ANKRD7: variants seen among roughly 807,000 people sequenced by gnomAD.
ANKRD7 encodes the protein ankyrin repeat domain-containing protein 7.
ANKRD7 carries 30 observed loss-of-function variants against 30.8 expected under a neutral mutation model. That is an observed-to-expected ratio of 0.97 (90% confidence interval 0.73 to 1.32). The LOEUF is 1.32. Among genes scored for constraint, ANKRD7 ranks in the 40% most tolerant of loss-of-function variants. The pLI is 0.00. For synonymous variants in ANKRD7, 97 were observed against 106.6 expected (o/e 0.91, Z 0.55); for missense variants, 264 against 295.7 (o/e 0.89, Z 0.79).
chr7:118,229,554 T>C (rs1443204493), intron 1 of ANKRD7, among the ~76,000 whole-genome samples: 1 of 152,048 alleles, frequency 6.6e-6, no homozygotes, highest in East Asian at 1.9e-4. Flanking sequence ...CACATATAAA[T>C]GGGAGAACTT....
In ANKRD7 at chr7:118,224,799, G is replaced by A; in HGVS notation, c.-32G>A. On this transcript the variant is annotated 5_prime_UTR_variant, in exon 1 of 7. Coordinates refer to ENST00000265224, the MANE Select transcript of ANKRD7 (RefSeq NM_019644.4). ...CGGCTAGGAGTTCAAGAAACATCCT[G>A]GTCTGAGGGAAAGGCTGCAGCCTGC... 1 of 1,597,306 alleles carries A rather than the reference G, an allele frequency of 6.3e-7. No homozygotes were observed. The highest frequency in any genetic ancestry group is 2.2e-5 in the East Asian group (1 of 44,698).
intron 5 of ANKRD7, among the ~76,000 whole-genome samples, chr7:118,238,524 C>T (rs115769238): frequency 0.013 from 2,054 of 152,206 alleles, 45 homozygotes; most frequent in African/African-American, 0.046. Flanking sequence ...GCCTATGTAA[C>T]GTACTTAAGA....
intron 6 of ANKRD7, among the ~76,000 whole-genome samples, chr7:118,241,883 C>T (rs576527841): frequency 2.6e-5 from 4 of 152,104 alleles, no homozygotes; most frequent in Non-Finnish European, 4.4e-5. Context: ...TCTTCTCCTG[C>T]ACCTCTCTCT....
chr7:118,230,488 G>C (rs1809617208), intron 1 of ANKRD7, among the ~76,000 whole-genome samples: 1 of 148,334 alleles, frequency 6.7e-6, no homozygotes, highest in Admixed American at 6.8e-5. Context: ...TTTAGATATG[G>C]GGGGAGGGGA....
At chr7:118,239,500 T>C (rs1048277941) in intron 5 of ANKRD7, among the ~76,000 whole-genome samples, 1 of 152,118 alleles carries the variant, frequency 6.6e-6, no homozygotes, top group Non-Finnish European at 1.5e-5. Flanking sequence ...GATTTTCCCT[T>C]AAGGACCTCA....
At chr7:118,234,661 T>C in intron 2 of ANKRD7, 40 bp from the exon 3 acceptor site, 2 of 1,572,268 alleles carry the variant, frequency 1.3e-6, no homozygotes, top group Non-Finnish European at 1.7e-6. Context: ...ATATCCCAAG[T>C]AGTAAATTGG....
Position 118,233,211 on chromosome 7 carries a change from G to A in ANKRD7, c.180-1220G>A, listed in dbSNP as rs559643885. Among the ~76,000 whole-genome samples, 17 of 152,148 alleles carry A rather than the reference G, an allele frequency of 1.1e-4. No individual in the cohort carries two copies. In the South Asian group the frequency reaches 2.9e-3, roughly 26 times the overall value. ...TTGTCCTACAACAAAGTACTTCTTT[G>A]TTCGTTCCTTAAATTCAGATTGTCT... On this transcript the variant is annotated intron_variant, in intron 1 of 6. Coordinates refer to ENST00000265224, the MANE Select transcript of ANKRD7 (RefSeq NM_019644.4).
chr7:118,227,834 A>G (rs962727293), intron 1 of ANKRD7: 6 of 1,267,640 alleles, frequency 4.7e-6, no homozygotes, highest in Admixed American at 4.9e-5. Context: ...ATCATCTTTC[A>G]TCACAGGTGG....
intron 1 of ANKRD7, among the ~76,000 whole-genome samples, chr7:118,226,418 T>A (rs142107243): frequency 8.5e-4 from 129 of 152,376 alleles, no homozygotes; most frequent in Non-Finnish European, 1.6e-3. Flanking sequence ...AGAACTTAAC[T>A]ATAAATAGCC....
At chr7:118,238,058 G>C (rs1584726372) in intron 5 of ANKRD7, among the ~76,000 whole-genome samples, 1 of 152,118 alleles carries the variant, frequency 6.6e-6, no homozygotes, top group South Asian at 2.1e-4. Context: ...AACAGAACTT[G>C]TATATTTAAA....
intron 1 of ANKRD7, among the ~76,000 whole-genome samples, chr7:118,227,382 T>G (rs1809562817): frequency 6.6e-6 from 1 of 152,224 alleles, no homozygotes; most frequent in Non-Finnish European, 1.5e-5. Flanking sequence ...GGTCTCTTTC[T>G]TATCATATGG....
rs535731950 is a variant in ANKRD7, at chr7:118,240,173, T to G, written c.*37+175T>G. On this transcript the variant is annotated intron_variant, in intron 6 of 6. Coordinates refer to ENST00000265224, the MANE Select transcript of ANKRD7 (RefSeq NM_019644.4). ...CTTTTTTATTTATTTATTTATTTAT[T>G]TATTATACTTTAAGTTTTAGGGTAC... is the stretch of plus-strand genomic sequence containing the variant. Among the ~76,000 whole-genome samples the G allele has an allele frequency of 2.0e-5, 3 of 152,174 alleles. No homozygotes were observed. In the East Asian group the frequency reaches 5.8e-4, roughly 29 times the overall value.
rs1385526235 is a variant in ANKRD7 at position 118,236,206 on chromosome 7, G to A, written c.575+59G>A. ...AGCTACCTGATAGGATTGTGTGTGT[G>A]CGTATGTGTGTGTGTGTGTGTGTGT... On this transcript the variant is annotated intron_variant, in intron 4 of 6. Transcript: ENST00000265224. 7 of 920,080 alleles carry A rather than the reference G, an allele frequency of 7.6e-6. No homozygotes were observed. In the African/African-American group the frequency reaches 1.2e-4, roughly 16 times the overall value. 57.0% of individuals were successfully genotyped at this position (920,080 alleles called of 1,614,324 possible).
chr7:118,236,740 G>A, intron 4 of ANKRD7, 50 bp from the exon 5 acceptor site: 6 of 1,564,920 alleles, frequency 3.8e-6, no homozygotes, highest in Admixed American at 1.9e-5. Flanking sequence ...TTTAAAATTA[G>A]GCATGTTTAA....
intron 1 of ANKRD7, among the ~76,000 whole-genome samples, chr7:118,231,502 T>G (rs1258672016): frequency 6.6e-6 from 1 of 152,060 alleles, no homozygotes; most frequent in Non-Finnish European, 1.5e-5. Flanking sequence ...GTGAGTTAGC[T>G]TCCTTGGTTA....
chr7:118,237,880 A>C (rs1430247724), intron 5 of ANKRD7, among the ~76,000 whole-genome samples: 2 of 152,140 alleles, frequency 1.3e-5, no homozygotes, highest in African/African-American at 4.8e-5. Flanking sequence ...TAATGAAATA[A>C]ACATGTAAAT....
intron 1 of ANKRD7, among the ~76,000 whole-genome samples, chr7:118,229,802 T>A (rs894233319): frequency 3.2e-4 from 48 of 152,014 alleles, no homozygotes; most frequent in African/African-American, 1.2e-3. Context: ...GCAAACCAAA[T>A]CCAGTAGTAC....
At chr7:118,227,930 A>G (rs1809572693) in intron 1 of ANKRD7, 1 of 1,345,366 alleles carries the variant, frequency 7.4e-7, no homozygotes, top group Non-Finnish European at 9.9e-7. Flanking sequence ...TAACAAAAAC[A>G]GTGTTGTCCA....
At position 118,241,699 on chromosome 7, in the gene ANKRD7, C is replaced by T. The variant is rs1484990919; in HGVS notation, c.*38-650C>T. Among the ~76,000 whole-genome samples, 6 of 151,656 alleles carry T rather than the reference C, an allele frequency of 4.0e-5. No homozygotes were observed. The East Asian group carries it at 9.7e-4, about 25-fold the overall frequency. The stretch of plus-strand genomic sequence containing the variant: ...GGATTACAGGCTCCACCACCATGCC[C>T]GACTAATTTTTGTATTTTTAGTAGA... On this transcript the variant is annotated intron_variant, in intron 6 of 6. Transcript: ENST00000265224.
Sources: gnomAD v4.1 joint callset for allele counts (sites outside exome capture counted in the v4.1 genomes callset) on GRCh38, gnomAD v4.1.1 for gene constraint, MANE v1.5 for transcripts, NCBI Gene and HGNC (gene_info 2026-07-23, HGNC 2026-07-21) for gene names.